Variants in COL4A2 observed in about 807,000 individuals in gnomAD.
COL4A2 encodes the protein collagen type IV alpha 2 chain, also known as collagen alpha-2(IV) chain.
A neutral mutation model predicts 200.2 loss-of-function variants in COL4A2; 99 were observed. The observed-to-expected ratio is 0.49, with a 90% CI of 0.42 to 0.58. COL4A2 has a LOEUF of 0.58. Ranked by LOEUF, COL4A2 falls within the 20% of genes least tolerant of loss-of-function variation. The pLI, the probability that COL4A2 is intolerant of heterozygous loss-of-function variation, is 0.00. For synonymous variants in COL4A2, 897 were observed against 900.6 expected (o/e 1.00, Z 0.07); for missense variants, 1,950 against 2,314.1 (o/e 0.84, Z 3.23).
chr13:110,331,153 A>G (rs1594150510), intron 3 of COL4A2, among the ~76,000 whole-genome samples: 1 of 152,258 alleles, frequency 6.6e-6, no homozygotes, highest in African/African-American at 2.4e-5. Context: ...TGAACATTTT[A>G]TACTGGTCTT....
intron 10 of COL4A2, among the ~76,000 whole-genome samples, chr13:110,431,895 G>A (rs1360744898): frequency 6.6e-6 from 1 of 152,222 alleles, no homozygotes; most frequent in Non-Finnish European, 1.5e-5. Context: ...CCGCTCTGCA[G>A]TGCCAGCTTG....
chr13:110,446,355 G>A (rs1163850615), intron 17 of COL4A2, among the ~76,000 whole-genome samples: 4 of 152,186 alleles, frequency 2.6e-5, no homozygotes, highest in Admixed American at 1.3e-4. Flanking sequence ...GCCGGGTGAG[G>A]CTCAAAGAGG....
chr13:110,490,876 A>C (rs1003368367), intron 36 of COL4A2, among the ~76,000 whole-genome samples: 4 of 152,240 alleles, frequency 2.6e-5, no homozygotes, highest in African/African-American at 9.6e-5. Context: ...CTCTGGGCCC[A>C]GAAAGGCTTT....
chr13:110,452,917 C>T (rs1026257797), intron 20 of COL4A2, among the ~76,000 whole-genome samples: 2 of 152,062 alleles, frequency 1.3e-5, no homozygotes, highest in African/African-American at 4.8e-5. Flanking sequence ...CATGCACCAC[C>T]ACCATGCCTG....
chr13:110,397,165 T>A (rs569541311), intron 4 of COL4A2, among the ~76,000 whole-genome samples: 8 of 152,330 alleles, frequency 5.3e-5, no homozygotes, highest in African/African-American at 1.7e-4. Context: ...GGCCGACTGT[T>A]TATCCGCCCC....
intron 4 of COL4A2, among the ~76,000 whole-genome samples, chr13:110,386,630 T>C (rs1289982057): frequency 2.0e-5 from 3 of 152,216 alleles, no homozygotes; most frequent in Non-Finnish European, 1.5e-5. Flanking sequence ...ATGTAATACA[T>C]TGATATGTAA....
intron 29 of COL4A2, 113 bp from the exon 30 acceptor site, chr13:110,477,890 G>C: frequency 9.1e-7 from 1 of 1,098,126 alleles, no homozygotes; most frequent in Non-Finnish European, 1.2e-6. Context: ...ATTCTCTAGA[G>C]TCCAGAAAAG....
At chr13:110,456,380 G>C (rs1881733781) in intron 20 of COL4A2, 1 of 281,952 alleles carries the variant, frequency 3.5e-6, no homozygotes, top group Non-Finnish European at 6.9e-6. Context: ...ATCAGAAAAA[G>C]ATCAAAATGG....
Position 110,491,266 on chromosome 13 carries a change from A to G in COL4A2, c.3380A>G (p.Glu1127Gly). 1 of 1,601,820 alleles carries G rather than the reference A, an allele frequency of 6.2e-7. No homozygotes were observed. The highest frequency in any genetic ancestry group is 8.5e-7 in the Non-Finnish European group (1 of 1,173,458). The change falls in exon 37 of 48, where the codon GAA becomes GGA. Residue 1127 changes from glutamate (E) to glycine (G), a missense_variant. By Grantham distance (98) the Glu-to-Gly change is moderately conservative. This residue lies in a region of COL4A2 where 1,385 missense variants were observed against 1,720.5 expected (regional missense o/e 0.80). Coordinates refer to ENST00000360467, the MANE Select transcript of COL4A2 (RefSeq NM_001846.4). Reference protein sequence around the residue: ...LKGFFGEKGTEGDIGFPGITG... With the variant: ...LKGFFGEKGTGGDIGFPGITG... ...GGATTCTTTGGAGAGAAGGGAACAG[A>G]AGGTGACATCGGCTTCCCTGGGATA...
Position 110,482,535 on chromosome 13 carries a change from G to A in COL4A2, c.2778G>A (p.Gly926=). The A allele has an allele frequency of 6.2e-7, 1 of 1,614,222 alleles. No homozygotes were observed. Among genetic ancestry groups the A allele is most frequent in the South Asian group, 1.1e-5 (1 of 91,086 alleles). ...CTGAAGGAGATAGAGGCTCACCTGGGATGGATGGTTTCCAAGGCATGCCTG... is the reference window on the plus strand; with the variant it reads ...CTGAAGGAGATAGAGGCTCACCTGGAATGGATGGTTTCCAAGGCATGCCTG... ...PGLKGDRGSP[G]MDGFQGMPGL... The change falls in exon 32 of 48, where the codon GGG becomes GGA. Residue 926 remains glycine (G), a synonymous_variant. Coordinates refer to ENST00000360467, the MANE Select transcript of COL4A2 (RefSeq NM_001846.4).
chr13:110,467,592 T>C (rs1882295199), intron 27 of COL4A2, among the ~76,000 whole-genome samples: 1 of 152,236 alleles, frequency 6.6e-6, no homozygotes, highest in Non-Finnish European at 1.5e-5. Flanking sequence ...TCTCAGCCCA[T>C]GTGAGAAAGA....
intron 43 of COL4A2, 128 bp from the exon 44 acceptor site, chr13:110,503,719 T>C (rs1883734783): frequency 1.7e-6 from 2 of 1,175,388 alleles, no homozygotes; most frequent in African/African-American, 1.5e-5. Flanking sequence ...GTCTGGCTCA[T>C]CTCTAGAAAG....
chr13:110,489,726 CTA>C lies in COL4A2; in HGVS notation c.3290_3291del (p.Ile1097LysfsTer32). 2 of 1,614,154 alleles carry C rather than the reference CTA, an allele frequency of 1.2e-6. No homozygotes were observed. Among genetic ancestry groups the C allele is most frequent in the Non-Finnish European group, 1.7e-6 (2 of 1,180,030 alleles). ...CATGTAACAGGTGACATCGGGGACA[CTA>C]TAAATTTACCAGGAAGACCAGGCCT... is the stretch of plus-strand genomic sequence containing the variant. On this transcript the variant is annotated frameshift_variant, in exon 36 of 48. Coordinates refer to ENST00000360467, the MANE Select transcript of COL4A2 (RefSeq NM_001846.4). LOFTEE classifies it high-confidence loss of function.
intron 4 of COL4A2, among the ~76,000 whole-genome samples, chr13:110,381,859 C>A (rs1878507156): frequency 6.6e-6 from 1 of 152,120 alleles, no homozygotes; most frequent in Admixed American, 6.5e-5. Context: ...GATGATAACC[C>A]CACTCCCTAG....
intron 22 of COL4A2, 118 bp from the exon 23 acceptor site, chr13:110,461,996 C>G (rs1182222275): frequency 6.8e-7 from 1 of 1,463,944 alleles, no homozygotes; most frequent in Non-Finnish European, 9.2e-7. Flanking sequence ...GGGTGGCGCT[C>G]GGTTTGGTGA....
chr13:110,432,977 A>G (rs1228703823), intron 11 of COL4A2, among the ~76,000 whole-genome samples: 3 of 152,262 alleles, frequency 2.0e-5, no homozygotes, highest in Admixed American at 2.0e-4. Context: ...GTCCAAGACA[A>G]ACGAATGCAG....
intron 32 of COL4A2, among the ~76,000 whole-genome samples, chr13:110,484,095 C>CA (rs11289579): frequency 5.4e-5 from 8 of 148,444 alleles, no homozygotes; most frequent in African/African-American, 1.5e-4. Context: ...CTATTTCAGG[C>CA]AAAAAAAAAA....
intron 4 of COL4A2, among the ~76,000 whole-genome samples, chr13:110,367,330 T>C (rs1466331170): frequency 1.3e-5 from 2 of 152,270 alleles, no homozygotes; most frequent in Non-Finnish European, 2.9e-5. Context: ...CTTGGCTCCA[T>C]TGTCAGCATC....
chr13:110,426,076 T>C (rs1008830737), intron 6 of COL4A2, among the ~76,000 whole-genome samples: 1 of 152,154 alleles, frequency 6.6e-6, no homozygotes, highest in African/African-American at 2.4e-5. Flanking sequence ...TCAGTCAGAA[T>C]CTTGAGAAAT....
Sources: gnomAD v4.1 joint callset for allele counts (sites outside exome capture counted in the v4.1 genomes callset) on GRCh38, gnomAD v4.1.1 for gene constraint, gnomAD v4.1.1 regional missense constraint, MANE v1.5 for transcripts, NCBI Gene and HGNC (gene_info 2026-07-23, HGNC 2026-07-21) for gene names.